MCPH1: variants seen among roughly 807,000 people sequenced by gnomAD.
The protein encoded by MCPH1 is microcephalin.
A neutral mutation model predicts 84.5 loss-of-function variants in MCPH1; 104 were observed. The observed-to-expected ratio is 1.23, with a 90% CI of 1.05 to 1.45. The LOEUF is 1.45. MCPH1 is among the 40% of genes most tolerant of loss of function. MCPH1 has a pLI of 0.00. For synonymous variants in MCPH1, 514 were observed against 366.8 expected (o/e 1.40, Z -4.58); for missense variants, 1,498 against 1,005.7 (o/e 1.49, Z -6.62).
intron 12 of MCPH1, among the ~76,000 whole-genome samples, chr8:6,572,360 A>G (rs1317877555): frequency 1.3e-5 from 2 of 152,194 alleles, no homozygotes; most frequent in African/African-American, 4.8e-5. Context: ...AATGGTACCT[A>G]TTTAAGAATG....
At chr8:6,609,828 C>CTCCCCA (rs1554476434) in intron 12 of MCPH1, among the ~76,000 whole-genome samples, 1 of 108,744 alleles carries the variant, frequency 9.2e-6, no homozygotes, top group Admixed American at 8.7e-5. Context: ...CGCCCCCCCC[C>CTCCCCA]CACACACAGA....
intron 12 of MCPH1, among the ~76,000 whole-genome samples, chr8:6,613,087 G>T (rs1013540324): frequency 6.6e-6 from 1 of 152,208 alleles, no homozygotes; most frequent in African/African-American, 2.4e-5. Flanking sequence ...CCATATGGGG[G>T]TTCCTCTCCA....
In MCPH1 at chr8:6,466,129, A is replaced by ATTTTTT. The variant is rs751729134; in HGVS notation, c.1935+10895_1935+10900dup. ...GCCACTACACCTGGCTAATTTTTGG[A>ATTTTTT]TTTTTTTTTTTTTTTTTTTTTTTCC... is the stretch of plus-strand genomic sequence containing the variant. On this transcript the variant is annotated intron_variant, in intron 9 of 13. Coordinates refer to ENST00000344683, the MANE Select transcript of MCPH1 (RefSeq NM_024596.5). Among the ~76,000 whole-genome samples the ATTTTTT allele has an allele frequency of 8.6e-4, 17 of 19,778 alleles. 6 individuals are homozygous for ATTTTTT. The East Asian group carries it at 0.01, about 12-fold the overall frequency. 13.0% of individuals were successfully genotyped at this position (19,778 alleles called of 152,430 possible). A position where few individuals can be genotyped will look rare whatever the true frequency, so the allele number is the denominator to read the frequency against.
At chr8:6,588,663 T>A (rs973593103) in intron 12 of MCPH1, among the ~76,000 whole-genome samples, 1 of 152,236 alleles carries the variant, frequency 6.6e-6, no homozygotes. Context: ...CACCCGCTGC[T>A]CTCCCCTGTC....
Position 6,463,536 on chromosome 8 carries a change from G to C in MCPH1, c.1935+8284G>C, listed in dbSNP as rs936091903. ...CTCATTTGGGTGTAGCATCCCCAGA[G>C]AAGGAGCCTTGCAGTGGAAAGAAGA... On this transcript the variant is annotated intron_variant, in intron 9 of 13. Coordinates refer to ENST00000344683, the MANE Select transcript of MCPH1 (RefSeq NM_024596.5). Among the ~76,000 whole-genome samples the C allele has an allele frequency of 3.9e-5, 6 of 152,290 alleles. No homozygotes were observed. In the East Asian group the frequency reaches 9.6e-4, roughly 24 times the overall value.
intron 2 of MCPH1, among the ~76,000 whole-genome samples, chr8:6,409,676 G>T (rs539089211): frequency 8.9e-6 from 1 of 112,630 alleles, no homozygotes; most frequent in Non-Finnish European, 1.8e-5. Context: ...GGTTTCTAAG[G>T]GAAAAATTGT....
At chr8:6,463,382 T>C (rs1806496555) in intron 9 of MCPH1, among the ~76,000 whole-genome samples, 1 of 152,220 alleles carries the variant, frequency 6.6e-6, no homozygotes, top group South Asian at 2.1e-4. Context: ...CTGTCATTTA[T>C]TGAGCATTGT....
rs563993098 is a variant in MCPH1, at chr8:6,643,480, G to C, written c.*431G>C. On this transcript the variant is annotated 3_prime_UTR_variant, in exon 14 of 14. Coordinates refer to ENST00000344683, the MANE Select transcript of MCPH1 (RefSeq NM_024596.5). ...GGGTTTCGCCATGTTGGCCAGGCTG[G>C]TCTCAAACGCCTGAGCTCAGGTGAT... The C allele has an allele frequency of 1.0e-4, 23 of 227,302 alleles. No homozygotes were observed. Among genetic ancestry groups the C allele is most frequent in the Non-Finnish European group, 1.8e-4 (21 of 113,624 alleles). The allele number at this position is 227,302 out of a possible 1,614,324, so 14.1% of individuals were successfully genotyped here.
intron 8 of MCPH1, among the ~76,000 whole-genome samples, chr8:6,451,186 C>A (rs1238347971): frequency 6.6e-6 from 1 of 152,222 alleles, no homozygotes; most frequent in Non-Finnish European, 1.5e-5. Context: ...CAGCCTAACT[C>A]ACTGGGGCTG....
At position 6,643,105 on chromosome 8, in the gene MCPH1, T is replaced by C. The variant is rs895226148; in HGVS notation, c.*56T>C. 2 of 1,462,764 alleles carry C rather than the reference T, an allele frequency of 1.4e-6. No homozygotes were observed. The highest frequency in any genetic ancestry group is 1.1e-5 in the South Asian group (1 of 87,178). The allele number at this position is 1,462,764 out of a possible 1,614,324, so 90.6% of individuals were successfully genotyped here. On this transcript the variant is annotated 3_prime_UTR_variant, in exon 14 of 14. Coordinates refer to ENST00000344683, the MANE Select transcript of MCPH1 (RefSeq NM_024596.5). ...CACAGCTCGCAAAACTGTCTTTGGA[T>C]GTTCAAATGAGAAACAAAACTGTGA...
chr8:6,428,600 A>G (rs762929361), intron 3 of MCPH1, among the ~76,000 whole-genome samples: 4 of 152,244 alleles, frequency 2.6e-5, no homozygotes, highest in Non-Finnish European at 2.9e-5. Context: ...ATTTCCAATA[A>G]GCGGAATCAT....
chr8:6,441,334 A>G (rs915962225), intron 6 of MCPH1, among the ~76,000 whole-genome samples: 2 of 152,244 alleles, frequency 1.3e-5, no homozygotes, highest in African/African-American at 4.8e-5. Context: ...TACTGCGTCC[A>G]GTACAGTTTA....
At chr8:6,492,046 C>G (rs373192614) in intron 11 of MCPH1, among the ~76,000 whole-genome samples, 1 of 152,172 alleles carries the variant, frequency 6.6e-6, no homozygotes, top group Non-Finnish European at 1.5e-5. Flanking sequence ...CCTGAGGAAT[C>G]GCCACACTGA....
intron 13 of MCPH1, among the ~76,000 whole-genome samples, chr8:6,623,558 T>C (rs1396849924): frequency 6.6e-6 from 1 of 152,130 alleles, no homozygotes; most frequent in East Asian, 1.9e-4. Context: ...CGTATCTAAC[T>C]ACGGACATTT....
At chr8:6,494,227 C>T (rs1810987874) in intron 11 of MCPH1, 1 of 152,236 alleles carries the variant, frequency 6.6e-6, no homozygotes, top group African/African-American at 2.4e-5. Context: ...ATGTGAGCCA[C>T]TGCATCCTGC....
At chr8:6,528,103 G>C (rs1322828638) in intron 12 of MCPH1, among the ~76,000 whole-genome samples, 1 of 152,022 alleles carries the variant, frequency 6.6e-6, no homozygotes, top group African/African-American at 2.4e-5. Flanking sequence ...CACCATGTTG[G>C]CCAGGCTGGT....
chr8:6,499,897 T>G lies in MCPH1; in HGVS notation c.2182T>G (p.Phe728Val). The change falls in exon 12 of 14, where the codon TTC becomes GTC. Residue 728 changes from phenylalanine (F) to valine (V), a missense_variant. Phe to Val is a conservative substitution (Grantham distance 50). Transcript: ENST00000344683. ...ELGHWISEEP[F>V]ELSHHFPAAP... ...GGGTCACTGGATTTCTGAGGAGCCGTTCGAACTGTCTCACCACTTCCCTGC... is the reference window on the plus strand; with the variant it reads ...GGGTCACTGGATTTCTGAGGAGCCGGTCGAACTGTCTCACCACTTCCCTGC... The G allele has an allele frequency of 6.2e-7, 1 of 1,613,668 alleles. No homozygotes were observed. The highest frequency in any genetic ancestry group is 8.5e-7 in the Non-Finnish European group (1 of 1,180,002).
intron 9 of MCPH1, among the ~76,000 whole-genome samples, chr8:6,471,848 A>G (rs1202302854): frequency 6.6e-6 from 1 of 152,238 alleles, no homozygotes; most frequent in African/African-American, 2.4e-5. Flanking sequence ...ACTCTGGCCT[A>G]TAGCTAATTG....
intron 12 of MCPH1, among the ~76,000 whole-genome samples, chr8:6,515,861 C>A (rs1383339405): frequency 6.6e-6 from 1 of 152,096 alleles, no homozygotes; most frequent in Non-Finnish European, 1.5e-5. Flanking sequence ...GAGTTAGAAT[C>A]CTAAAGAGGA....
Sources: gnomAD v4.1 joint callset for allele counts (sites outside exome capture counted in the v4.1 genomes callset) on GRCh38, gnomAD v4.1.1 for gene constraint, MANE v1.5 for transcripts, NCBI Gene and HGNC (gene_info 2026-07-23, HGNC 2026-07-21) for gene names.